The following XIRP2 variants were observed in gnomAD, a reference collection of about 807,000 sequenced individuals.
XIRP2 encodes xin actin-binding repeat-containing protein 2.
In XIRP2, 236 loss-of-function variants were observed where a neutral mutation model predicts 277.0. The observed-to-expected ratio is 0.85, with a 90% CI of 0.77 to 0.95. The LOEUF is 0.95. Ranked by LOEUF, XIRP2 falls within the 40% of genes least tolerant of loss-of-function variation. The probability of loss-of-function intolerance (pLI) is 0.00; values close to 1 mark genes in which losing one functional copy is unlikely to be tolerated. For missense variants in XIRP2, 4,640 were observed against 4,157.5 expected (o/e 1.12, Z -3.19); for synonymous variants, 1,490 against 1,416.5 (o/e 1.05, Z -1.17).
chr2:167,131,944 TG>T (rs1352971600), intron 2 of XIRP2, among the ~76,000 whole-genome samples: 1 of 152,182 alleles, frequency 6.6e-6, no homozygotes, highest in Non-Finnish European at 1.5e-5. Flanking sequence ...CAATCCATTT[TG>T]TTGTGCATGC....
intron 2 of XIRP2, among the ~76,000 whole-genome samples, chr2:166,976,220 T>C (rs1686714550): frequency 6.6e-6 from 1 of 152,142 alleles, no homozygotes; most frequent in Admixed American, 6.5e-5. Context: ...GATGCTATCA[T>C]TGTTCATATC....
intron 2 of XIRP2, among the ~76,000 whole-genome samples, chr2:167,079,294 T>G (rs1026347130): frequency 1.3e-5 from 2 of 152,132 alleles, no homozygotes; most frequent in Non-Finnish European, 1.5e-5. Context: ...CATGTGTTTT[T>G]CTTTTACATT....
intron 2 of XIRP2, among the ~76,000 whole-genome samples, chr2:167,005,390 A>C (rs546627427): frequency 1.4e-4 from 22 of 152,026 alleles, no homozygotes; most frequent in East Asian, 5.8e-4. Flanking sequence ...GGAACCTTCT[A>C]GACAACACTG....
At chr2:167,027,342 C>A (rs900524733) in intron 2 of XIRP2, among the ~76,000 whole-genome samples, 2 of 152,114 alleles carry the variant, frequency 1.3e-5, no homozygotes, top group Non-Finnish European at 2.9e-5. Context: ...CAAGCCTTGG[C>A]TTTCAGCTCC....
At chr2:166,968,114 A>C (rs1686476722) in intron 2 of XIRP2, among the ~76,000 whole-genome samples, 1 of 152,002 alleles carries the variant, frequency 6.6e-6, no homozygotes, top group African/African-American at 2.4e-5. Context: ...ATATAGAAGA[A>C]GGTATCAGCC....
At chr2:167,073,452 C>A (rs1251948578) in intron 2 of XIRP2, among the ~76,000 whole-genome samples, 1 of 152,014 alleles carries the variant, frequency 6.6e-6, no homozygotes, top group African/African-American at 2.4e-5. Flanking sequence ...CTATGGTACA[C>A]TTCTTGGTAC....
rs182741736 is a variant in XIRP2 at position 166,912,070 on chromosome 2, C to A, written c.408+8180C>A. ...TTCCTTCATTTCGACTTTGGTGAAT[C>A]TGACAATTATGTGTCTTGGAGTTGC... On this transcript the variant is annotated intron_variant, in intron 2 of 10. Coordinates refer to ENST00000409195, the MANE Select transcript of XIRP2 (RefSeq NM_152381.6). Among the ~76,000 whole-genome samples, 339 of 152,268 alleles carry A rather than the reference C, an allele frequency of 2.2e-3. 3 individuals carry two copies. Among genetic ancestry groups the A allele is most frequent in the African/African-American group, 7.3e-3 (304 of 41,532 alleles).
chr2:166,942,276 T>C (rs533899946), intron 2 of XIRP2, among the ~76,000 whole-genome samples: 1 of 152,296 alleles, frequency 6.6e-6, no homozygotes, highest in East Asian at 1.9e-4. Context: ...CTGTGGGCAT[T>C]TTGATATCTT....
Position 167,087,543 on chromosome 2 carries a change from C to T in XIRP2, c.409-48366C>T, listed in dbSNP as rs573476198. Among the ~76,000 whole-genome samples the T allele has an allele frequency of 1.1e-4, 16 of 152,312 alleles. No homozygotes were observed. In the East Asian group the frequency reaches 1.9e-3, roughly 18 times the overall value. ...ATGGCGGGTGCCCCTCACCCTGCCT[C>T]GCTGCCGCCTTGCAGTTTGATCTCA... On this transcript the variant is annotated intron_variant, in intron 2 of 10. Coordinates refer to ENST00000409195, the MANE Select transcript of XIRP2 (RefSeq NM_152381.6).
chr2:166,929,411 A>T (rs1685269903), intron 2 of XIRP2, among the ~76,000 whole-genome samples: 1 of 152,138 alleles, frequency 6.6e-6, no homozygotes, highest in Non-Finnish European at 1.5e-5. Flanking sequence ...CAGGGATTTA[A>T]ATTTGTCCTT....
intron 2 of XIRP2, among the ~76,000 whole-genome samples, chr2:167,009,891 C>A (rs1279159205): frequency 6.6e-6 from 1 of 151,956 alleles, no homozygotes; most frequent in Admixed American, 6.6e-5. Flanking sequence ...TCATTTCCTT[C>A]ACCCACTTTT....
chr2:167,097,612 A>G (rs1359019420), intron 2 of XIRP2, among the ~76,000 whole-genome samples: 1 of 152,086 alleles, frequency 6.6e-6, no homozygotes, highest in Non-Finnish European at 1.5e-5. Context: ...CTAGCTGGTT[A>G]TTTTGCCCAT....
chr2:167,145,344 T>C (rs1691832978), intron 3 of XIRP2, among the ~76,000 whole-genome samples: 2 of 152,100 alleles, frequency 1.3e-5, no homozygotes, highest in Non-Finnish European at 2.9e-5. Context: ...TAATTGTTGA[T>C]TTCATGAAAG....
At position 167,243,166 on chromosome 2, in the gene XIRP2, G is replaced by T; in HGVS notation, c.1774G>T (p.Gly592Cys). Residue 592 changes from glycine (G) to cysteine (C), a missense_variant, in exon 9 of 11, where the codon GGC becomes TGC. Physicochemically the swap from Gly to Cys is radical, Grantham distance 159. Transcript: ENST00000409195. ...ENQPLDSINN[G>C]SPDEGDISRG... ...TCAACCATTGGATTCCATCAACAAT[G>T]GCTCTCCTGATGAAGGTGATATTTC... 1.2e-6 allele frequency: 2 copies of T among 1,614,110 alleles called. No homozygotes were observed. The highest frequency in any genetic ancestry group is 1.7e-6 in the Non-Finnish European group (2 of 1,179,988).
At chr2:167,000,909 C>T (rs184702184) in intron 2 of XIRP2, among the ~76,000 whole-genome samples, 1 of 152,116 alleles carries the variant, frequency 6.6e-6, no homozygotes, top group East Asian at 1.9e-4. Context: ...TGACCAGGTG[C>T]AGTGGTGCAG....
intron 2 of XIRP2, among the ~76,000 whole-genome samples, chr2:167,090,666 A>G (rs1210270716): frequency 2.6e-5 from 4 of 152,114 alleles, no homozygotes; most frequent in African/African-American, 9.7e-5. Context: ...TTGGCACTGC[A>G]TTACAACATG....
intron 2 of XIRP2, among the ~76,000 whole-genome samples, chr2:166,911,126 G>A (rs1344729717): frequency 6.6e-6 from 1 of 152,186 alleles, no homozygotes; most frequent in African/African-American, 2.4e-5. Flanking sequence ...ATGTCTATTA[G>A]GTCCGCTTGT....
intron 2 of XIRP2, among the ~76,000 whole-genome samples, chr2:167,123,300 C>T (rs559980818): frequency 6.6e-6 from 1 of 152,076 alleles, no homozygotes; most frequent in Non-Finnish European, 1.5e-5. Context: ...AGTCAGTGAC[C>T]GTTATTAAGA....
At chr2:167,086,910 A>T (rs972739218) in intron 2 of XIRP2, among the ~76,000 whole-genome samples, 3 of 152,118 alleles carry the variant, frequency 2.0e-5, no homozygotes, top group Non-Finnish European at 2.9e-5. Flanking sequence ...AGCTCAGAGT[A>T]ATTTGATCGT....
Sources: gnomAD v4.1 joint callset for allele counts (sites outside exome capture counted in the v4.1 genomes callset) on GRCh38, gnomAD v4.1.1 for gene constraint, MANE v1.5 for transcripts, NCBI Gene and HGNC (gene_info 2026-07-23, HGNC 2026-07-21) for gene names.